Variants in PKNOX2 observed in about 807,000 individuals in gnomAD.
The protein encoded by PKNOX2 is homeobox protein PKNOX2.
A neutral mutation model predicts 53.1 loss-of-function variants in PKNOX2; 14 were observed. That is an observed-to-expected ratio of 0.26 (90% CI 0.17 to 0.41). PKNOX2 has a LOEUF of 0.41. Ranked by LOEUF, PKNOX2 falls within the 10% of genes least tolerant of loss-of-function variation. The pLI is 1.00. For synonymous variants in PKNOX2, 257 were observed against 242.8 expected (o/e 1.06, Z -0.54); for missense variants, 496 against 602.8 (o/e 0.82, Z 1.85).
intron 5 of PKNOX2, among the ~76,000 whole-genome samples, chr11:125,380,610 G>A (rs1362708364): frequency 6.6e-6 from 1 of 152,206 alleles, no homozygotes; most frequent in Non-Finnish European, 1.5e-5. Flanking sequence ...GGAGGATGTG[G>A]ACCCACAGTG....
chr11:125,296,754 G>A lies in PKNOX2; in HGVS notation c.-129-35065G>A, dbSNP rs183673788. On this transcript the variant is annotated intron_variant, in intron 2 of 12. Transcript: ENST00000298282. ...GGGTTCAAGCGATTCTCCTGCTTCA[G>A]CCTCCCAAGTAGCTGGGACTACAGG... 1.6e-4 allele frequency among the ~76,000 whole-genome samples: 24 copies of A among 152,220 alleles called. No individual in the cohort carries two copies. The East Asian group carries it at 4.2e-3, about 27-fold the overall frequency.
intron 4 of PKNOX2, among the ~76,000 whole-genome samples, chr11:125,355,637 C>T (rs1951563328): frequency 6.6e-6 from 1 of 152,174 alleles, no homozygotes; most frequent in Admixed American, 6.5e-5. Context: ...TGTATCTCTG[C>T]CATAGTGGGC....
At position 125,347,963 on chromosome 11, in the gene PKNOX2, G is replaced by A. The variant is rs549404737; in HGVS notation, c.-22-3321G>A. 1.3e-4 allele frequency among the ~76,000 whole-genome samples: 20 copies of A among 152,300 alleles called. No homozygotes were observed. In the South Asian group the frequency reaches 1.5e-3, roughly 11 times the overall value. On this transcript the variant is annotated intron_variant, in intron 3 of 12. Transcript: ENST00000298282. ...AGGTGTCTGGTGACAGAGCACTGGG[G>A]CCTCTGGACAGGGCCAAGCAGCCTC...
At chr11:125,385,819 A>G (rs3740892) in intron 6 of PKNOX2, 97 bp downstream of exon 6, 434,767 of 1,432,954 alleles carry the variant, frequency 0.3, 69,592 homozygotes, top group African/African-American at 0.53. Context: ...ATTTACCAAC[A>G]AAAGGTTTTG....
At chr11:125,183,172 A>C (rs1310915768) in intron 1 of PKNOX2, among the ~76,000 whole-genome samples, 1 of 147,512 alleles carries the variant, frequency 6.8e-6, no homozygotes, top group Non-Finnish European at 1.5e-5. Context: ...GACAAGGCAC[A>C]TGGTGGCTGT....
intron 7 of PKNOX2, chr11:125,409,945 G>A (rs1437696793): frequency 2.6e-6 from 1 of 390,230 alleles, no homozygotes; most frequent in African/African-American, 2.1e-5. Context: ...CAGATAATTT[G>A]TGCCTTAGGT....
chr11:125,281,921 A>G (rs940184346), intron 2 of PKNOX2, among the ~76,000 whole-genome samples: 5 of 152,352 alleles, frequency 3.3e-5, no homozygotes, highest in African/African-American at 1.2e-4. Flanking sequence ...AGTGCCTGGA[A>G]AGACCTAGGA....
intron 2 of PKNOX2, among the ~76,000 whole-genome samples, chr11:125,313,409 A>T (rs1260853585): frequency 6.6e-6 from 1 of 152,142 alleles, no homozygotes; most frequent in Non-Finnish European, 1.5e-5. Context: ...TTTCAACTGA[A>T]TTGGGAGCAC....
rs935072795 is a variant in PKNOX2, at chr11:125,165,738, C to A, written c.-201+962C>A. On this transcript the variant is annotated intron_variant, in intron 1 of 12. Transcript: ENST00000298282. The surrounding 1 kb of genome is among the most constrained non-coding windows in gnomAD (Gnocchi z 4.5). ...TTGGTGAGGCGGGCGTAGGGGCCCG[C>A]GCGAGGCTTGGGAATCGGGAGCCCT... 6.6e-6 allele frequency among the ~76,000 whole-genome samples: 1 copy of A among 152,084 alleles called. No individual in the cohort carries two copies. Among genetic ancestry groups the A allele is most frequent in the Non-Finnish European group, 1.5e-5 (1 of 68,008 alleles).
chr11:125,285,920 G>A (rs1369669380), intron 2 of PKNOX2, among the ~76,000 whole-genome samples: 2 of 152,168 alleles, frequency 1.3e-5, no homozygotes, highest in Non-Finnish European at 2.9e-5. Context: ...GTGCTGCTTT[G>A]CATCTCTTCC....
At chr11:125,345,501 C>T (rs1047833632) in intron 3 of PKNOX2, among the ~76,000 whole-genome samples, 1 of 152,062 alleles carries the variant, frequency 6.6e-6, no homozygotes, top group Non-Finnish European at 1.5e-5. Context: ...CACTTCTAGC[C>T]CTTACTGGGT....
chr11:125,410,843 C>G lies in PKNOX2; in HGVS notation c.783C>G (p.Ile261Met), dbSNP rs1280754412. Residue 261 changes from isoleucine (I) to methionine (M), a missense_variant, in exon 9 of 13, where the codon ATC (isoleucine) becomes ATG (methionine). Physicochemically the swap from Ile to Met is conservative, Grantham distance 10. Transcript: ENST00000298282. ...AGGGTCAGGTGGTCACCCAAGCAAT[C>G]CCCCAGGGAGCCATCCAGATCCAGA... ...TSQGQVVTQA[I>M]PQGAIQIQNT... 2 of 1,613,908 alleles carry G rather than the reference C, an allele frequency of 1.2e-6. No individual in the cohort carries two copies. Among genetic ancestry groups the G allele is most frequent in the Non-Finnish European group, 8.5e-7 (1 of 1,179,976 alleles).
chr11:125,353,908 G>A (rs1039611780), intron 4 of PKNOX2, among the ~76,000 whole-genome samples: 1 of 152,110 alleles, frequency 6.6e-6, no homozygotes, highest in Non-Finnish European at 1.5e-5. Context: ...TAAGGGAAAG[G>A]AGCTAGGGCA....
At chr11:125,293,782 G>GACACGCTCACACAC (rs1394720471) in intron 2 of PKNOX2, among the ~76,000 whole-genome samples, 1 of 149,350 alleles carries the variant, frequency 6.7e-6, no homozygotes, top group Non-Finnish European at 1.5e-5. Flanking sequence ...TACTGACACA[G>GACACGCTCACACAC]ACACGCTCAC....
intron 4 of PKNOX2, among the ~76,000 whole-genome samples, chr11:125,361,661 A>G (rs1951933833): frequency 6.6e-6 from 1 of 152,182 alleles, no homozygotes; most frequent in South Asian, 2.1e-4. Context: ...TGCTGCACCC[A>G]TTAACTCATC....
At chr11:125,410,441 C>T in intron 8 of PKNOX2, 116 bp downstream of exon 8, 1 of 1,398,860 alleles carries the variant, frequency 7.1e-7, no homozygotes. Flanking sequence ...GCTCCCAGCT[C>T]AGTTTCTTGA....
chr11:125,293,704 T>A (rs1349864318), intron 2 of PKNOX2, among the ~76,000 whole-genome samples: 1 of 151,928 alleles, frequency 6.6e-6, no homozygotes, highest in Non-Finnish European at 1.5e-5. Context: ...CATGTGAAGT[T>A]CCTTTTATTT....
At chr11:125,406,952 C>T (rs919381732) in intron 7 of PKNOX2, among the ~76,000 whole-genome samples, 1 of 133,084 alleles carries the variant, frequency 7.5e-6, no homozygotes, top group Non-Finnish European at 1.6e-5. Context: ...AAAAAGCACA[C>T]TCAAGGCAGG....
chr11:125,170,806 G>A (rs938665538), intron 1 of PKNOX2, among the ~76,000 whole-genome samples: 2 of 152,014 alleles, frequency 1.3e-5, no homozygotes, highest in Non-Finnish European at 2.9e-5. Context: ...ATTATTTTTG[G>A]CTGGAATGTG....
Sources: gnomAD v4.1 joint callset for allele counts (sites outside exome capture counted in the v4.1 genomes callset) on GRCh38, gnomAD v4.1.1 for gene constraint, Gnocchi (gnomAD v3.1) non-coding constraint, MANE v1.5 for transcripts, NCBI Gene and HGNC (gene_info 2026-07-23, HGNC 2026-07-21) for gene names.